Variants in KCNAB2 observed in about 807,000 individuals in gnomAD.
KCNAB2 encodes voltage-gated potassium channel subunit beta-2.
Under a neutral mutation model 63.6 loss-of-function variants are expected in KCNAB2, and 29 were observed. That is an observed-to-expected ratio of 0.46 (90% CI 0.34 to 0.62). The LOEUF is 0.62. Among genes scored for constraint, KCNAB2 ranks in the 20% least tolerant of loss-of-function variants. The pLI is 0.01. For synonymous variants in KCNAB2, 222 were observed against 224.2 expected, an observed-to-expected ratio of 0.99 and a Z score of 0.09; for missense variants, 359 against 563.9, an observed-to-expected ratio of 0.64 and a Z score of 3.68.
At chr1:6,036,655 A>G (rs990460150) in intron 1 of KCNAB2, among the ~76,000 whole-genome samples, 2 of 152,176 alleles carry the variant, frequency 1.3e-5, no homozygotes, top group African/African-American at 2.4e-5. Flanking sequence ...CCATGTGACC[A>G]TGGACACTGT....
At chr1:6,022,273 G>C (rs576984226) in intron 1 of KCNAB2, among the ~76,000 whole-genome samples, 2 of 152,124 alleles carry the variant, frequency 1.3e-5, no homozygotes, top group South Asian at 4.1e-4. Flanking sequence ...ATAGTTCAGT[G>C]GTATTGAGTG....
chr1:6,061,178 T>C (rs1048980373), intron 2 of KCNAB2, among the ~76,000 whole-genome samples: 7 of 152,244 alleles, frequency 4.6e-5, no homozygotes, highest in African/African-American at 7.2e-5. Flanking sequence ...TGGGGGTGGC[T>C]GCTCTCCAGT....
Position 6,069,419 on chromosome 1 carries a change from C to CG in KCNAB2, c.219-3331dup, listed in dbSNP as rs975700711. 2.6e-5 allele frequency among the ~76,000 whole-genome samples: 4 copies of CG among 152,140 alleles called. No homozygotes were observed. Among genetic ancestry groups the CG allele is most frequent in the African/African-American group, 7.2e-5 (3 of 41,418 alleles). ...GCAGTTTTTAGGGGTGTGCAGCAGC[C>CG]GGGGGCTCCACGATGGGCATCAGTG... On this transcript the variant is annotated intron_variant, in intron 2 of 15. Coordinates refer to ENST00000378083, the MANE Select transcript of KCNAB2 (RefSeq NM_001199862.2). The surrounding 1 kb of genome is among the most constrained non-coding windows in gnomAD (Gnocchi z 5.4).
At chr1:6,009,876 T>TG (rs1032759120) in intron 1 of KCNAB2, among the ~76,000 whole-genome samples, 43 of 149,214 alleles carry the variant, frequency 2.9e-4, no homozygotes, top group Non-Finnish European at 5.4e-4. Context: ...TTTTTTTCTT[T>TG]TTTTTTTTTT....
chr1:6,012,025 T>G (rs1570854492), intron 1 of KCNAB2, among the ~76,000 whole-genome samples: 3 of 143,628 alleles, frequency 2.1e-5, no homozygotes, highest in African/African-American at 5.3e-5. Context: ...GAGGTGGAGG[T>G]GATGGAGGTG....
Position 6,096,929 on chromosome 1 carries a change from T to TGGGA in KCNAB2, c.1069+174_1069+177dup, listed in dbSNP as rs1336394335. On this transcript the variant is annotated intron_variant, in intron 14 of 15. Coordinates refer to ENST00000378083, the MANE Select transcript of KCNAB2 (RefSeq NM_001199862.2). The surrounding 1 kb of genome is among the most constrained non-coding windows in gnomAD (Gnocchi z 5.9). ...GTAATCGGGCTCTAAGGGGCATGGT[T>TGGGA]GGGACCCCATGCCTCTAGGGGGATG... Among the ~76,000 whole-genome samples the TGGGA allele has an allele frequency of 6.6e-6, 1 of 152,256 alleles. No individual in the cohort carries two copies. Among genetic ancestry groups the TGGGA allele is most frequent in the African/African-American group, 2.4e-5 (1 of 41,540 alleles).
In KCNAB2 at chr1:6,035,550, G is replaced by C. The variant is rs1016242283; in HGVS notation, c.-53+756G>C. Among the ~76,000 whole-genome samples the C allele has an allele frequency of 6.6e-6, 1 of 152,036 alleles. No homozygotes were observed. The highest frequency in any genetic ancestry group is 1.5e-5 in the Non-Finnish European group (1 of 67,988). ...GAGGCGGGACGTGGGAGGAAGGGAG[G>C]AGTCGGGGTGACTCCCGGGAGTGGG... On this transcript the variant is annotated intron_variant, in intron 1 of 15. Transcript: ENST00000164247. The surrounding 1 kb of genome is among the most constrained non-coding windows in gnomAD (Gnocchi z 5.0).
In KCNAB2 at chr1:6,073,679, G is replaced by C; in HGVS notation, c.263-54G>C. The C allele has an allele frequency of 1.3e-6, 2 of 1,584,828 alleles. No individual in the cohort carries two copies. The highest frequency in any genetic ancestry group is 1.3e-5 in the African/African-American group (1 of 74,328). On this transcript the variant is annotated intron_variant, in intron 3 of 15. Coordinates refer to ENST00000378083, the MANE Select transcript of KCNAB2 (RefSeq NM_001199862.2). The surrounding 1 kb of genome is among the most constrained non-coding windows in gnomAD (Gnocchi z 5.7). ...CAGCCTGAGGTCTGAGCACCGACGG[G>C]ATAATCTGGCTTCCTGCCAGGTTCC...
chr1:6,063,088 G>A (rs1457260662), intron 2 of KCNAB2, among the ~76,000 whole-genome samples: 2 of 150,460 alleles, frequency 1.3e-5, no homozygotes, highest in East Asian at 2.0e-4. Context: ...GTGCAGTAGC[G>A]CAACCTCGGC....
intron 1 of KCNAB2, among the ~76,000 whole-genome samples, chr1:6,020,820 C>T (rs12129571): frequency 0.11 from 16,245 of 152,142 alleles, 1,168 homozygotes; most frequent in Non-Finnish European, 0.16. Flanking sequence ...GTGCCCACCA[C>T]CATGCCTGGC....
chr1:5,992,894 C>G (rs1246522418), intron 1 of KCNAB2: 8 of 152,312 alleles, frequency 5.3e-5, no homozygotes, highest in Non-Finnish European at 1.2e-4. Context: ...GCCGCGGTCC[C>G]GTCTCCATCT....
intron 8 of KCNAB2, 149 bp from the exon 9 acceptor site, chr1:6,090,240 A>C: frequency 3.6e-6 from 2 of 551,604 alleles, no homozygotes; most frequent in Non-Finnish European, 3.3e-6. Flanking sequence ...CTGCCGTGGC[A>C]TTTCACGACC....
chr1:6,095,243 G>T, intron 11 of KCNAB2, 80 bp from the exon 12 acceptor site: 2 of 1,465,660 alleles, frequency 1.4e-6, no homozygotes, highest in South Asian at 2.5e-5. Flanking sequence ...GGACACCTTG[G>T]TGCCCTCTCC....
Position 6,089,141 on chromosome 1 carries a change from C to T in KCNAB2, c.514+90C>T, listed in dbSNP as rs1021312137. The T allele has an allele frequency of 8.9e-6, 12 of 1,344,926 alleles. No individual in the cohort carries two copies. In the African/African-American group the frequency reaches 1.2e-4, roughly 13 times the overall value. 83.3% of individuals were successfully genotyped at this position (1,344,926 alleles called of 1,614,324 possible). On this transcript the variant is annotated intron_variant, in intron 8 of 15. Transcript: ENST00000378083. ...GATGGCAGCACAGGGCCCGACCCCC[C>T]CAGTTAACCCACTGAGGGCCCAATC...
At chr1:6,036,309 C>T (rs1017207439) in intron 1 of KCNAB2, among the ~76,000 whole-genome samples, 1 of 152,030 alleles carries the variant, frequency 6.6e-6, no homozygotes, top group Non-Finnish European at 1.5e-5. Context: ...TGGAGACCAG[C>T]CTGGCCAACA....
At position 6,089,068 on chromosome 1, in the gene KCNAB2, G is replaced by C; in HGVS notation, c.514+17G>C. 6.5e-7 allele frequency: 1 copy of C among 1,547,354 alleles called. No individual in the cohort carries two copies. The highest frequency in any genetic ancestry group is 8.7e-7 in the Non-Finnish European group (1 of 1,145,686). On this transcript the variant is annotated intron_variant, in intron 8 of 15. Transcript: ENST00000378083. ...TAATCGAAGGTGAGGACGCGCTCGGGCACCTCAGGGCCCCCATACCTGTGG... is the reference window on the plus strand; with the variant it reads ...TAATCGAAGGTGAGGACGCGCTCGGCCACCTCAGGGCCCCCATACCTGTGG...
intron 1 of KCNAB2, among the ~76,000 whole-genome samples, chr1:6,017,748 G>A (rs1321066087): frequency 2.6e-5 from 4 of 151,400 alleles, no homozygotes; most frequent in African/African-American, 7.3e-5. Flanking sequence ...CCAAGATAGC[G>A]CCTCTGCACT....
chr1:6,085,752 G>A (rs3747979), intron 6 of KCNAB2: 93,827 of 825,996 alleles, frequency 0.11, 5,651 homozygotes, highest in East Asian at 0.32. Context: ...TCTTCGCGGC[G>A]TCTCAGCCTC....
chr1:6,066,181 C>T (rs549691741), intron 2 of KCNAB2, among the ~76,000 whole-genome samples: 2 of 152,356 alleles, frequency 1.3e-5, no homozygotes, highest in Non-Finnish European at 1.5e-5. Context: ...GCTTCCGCGC[C>T]GTGGCCATGG....
Sources: gnomAD v4.1 joint callset for allele counts (sites outside exome capture counted in the v4.1 genomes callset) on GRCh38, gnomAD v4.1.1 for gene constraint, Gnocchi (gnomAD v3.1) non-coding constraint, MANE v1.5 for transcripts, NCBI Gene and HGNC (gene_info 2026-07-23, HGNC 2026-07-21) for gene names.